Variants in ZP2 observed in about 807,000 individuals in gnomAD.
ZP2 encodes zona pellucida sperm-binding protein 2.
A neutral mutation model predicts 84.0 loss-of-function variants in ZP2; 51 were observed. The observed-to-expected ratio is 0.61, with a 90% CI of 0.49 to 0.77. ZP2 has a LOEUF of 0.77. ZP2 is among the 30% of genes least tolerant of loss of function. The pLI is 0.00. For missense variants in ZP2, 909 were observed against 911.9 expected, an observed-to-expected ratio of 1.00 and a Z score of 0.04; for synonymous variants, 375 against 330.9, an observed-to-expected ratio of 1.13 and a Z score of -1.45.
intron 5 of ZP2, 28 bp from the exon 6 acceptor site, chr16:21,205,803 CT>C: frequency 6.2e-7 from 1 of 1,612,646 alleles, no homozygotes; most frequent in Non-Finnish European, 8.5e-7. Context: ...TGATGTAAGA[CT>C]TTGATTTGGA....
At chr16:21,207,640 AC>A (rs2093256100) in intron 4 of ZP2, among the ~76,000 whole-genome samples, 1 of 4,794 alleles carries the variant, frequency 2.1e-4, no homozygotes, top group Non-Finnish European at 2.9e-4. Flanking sequence ...TATTAAACAC[AC>A]ACACACACAC....
intron 4 of ZP2, 59 bp from the exon 5 acceptor site, chr16:21,207,049 A>T (rs2093253298): frequency 6.2e-7 from 1 of 1,600,560 alleles, no homozygotes; most frequent in Admixed American, 1.7e-5. Context: ...GGGATTCTAG[A>T]ATACCATCTG....
Position 21,201,374 on chromosome 16 carries a change from C to T in ZP2, c.1689G>A (p.Val563=), listed in dbSNP as rs1484683018. The T allele has an allele frequency of 4.5e-6, 7 of 1,569,744 alleles. No homozygotes were observed. The African/African-American group carries it at 8.1e-5, about 18-fold the overall frequency. ...PDSFPQWNVV[V]DGCAYDLDNY... The stretch of plus-strand genomic sequence containing the variant: ...ATAGTACAGGGAGTACCTACCCATC[C>T]ACGACAACGTTCCACTGGGGGAAAG... The change falls in exon 14 of 19, where the codon GTG becomes GTA. Residue 563 remains valine (V), a synonymous_variant. Transcript: ENST00000574091.
chr16:21,202,576 G>T (rs1450161735), intron 10 of ZP2, among the ~76,000 whole-genome samples: 1 of 152,154 alleles, frequency 6.6e-6, no homozygotes, highest in Admixed American at 6.5e-5. Flanking sequence ...CTGATGAAGG[G>T]CAGGAGTTGA....
At chr16:21,206,772 T>C (rs2093251570) in intron 5 of ZP2, 66 bp downstream of exon 5, 5 of 1,597,372 alleles carry the variant, frequency 3.1e-6, no homozygotes, top group Non-Finnish European at 4.3e-6. Context: ...CCCGCCCTGG[T>C]TAGATCATCA....
At chr16:21,210,417 A>C (rs1293580188) in intron 2 of ZP2, among the ~76,000 whole-genome samples, 1 of 152,136 alleles carries the variant, frequency 6.6e-6, no homozygotes, top group African/African-American at 2.4e-5. Context: ...TTCCAGTAAG[A>C]AGCCCAGGTT....
At chr16:21,209,159 C>G (rs761502687) in intron 4 of ZP2, among the ~76,000 whole-genome samples, 4 of 152,096 alleles carry the variant, frequency 2.6e-5, no homozygotes, top group Non-Finnish European at 5.9e-5. Flanking sequence ...TCAAATGTCC[C>G]CTGGACAGAT....
rs147698708 is a variant in ZP2 at position 21,211,542 on chromosome 16, C to T, written c.6G>A (p.Ala2=). Residue 2 remains alanine, a synonymous_variant, in exon 1 of 19, where the codon GCG becomes GCA. Transcript: ENST00000574091. M[A]CRQRGGSWSP... is the part of the protein sequence containing the mutation. ...TCCAAGAGCCTCCTCTCTGCCTGCACGCCATAGCAGAAGACACTACCAGAT... is the reference window on the plus strand; with the variant it reads ...TCCAAGAGCCTCCTCTCTGCCTGCATGCCATAGCAGAAGACACTACCAGAT... 371 of 1,614,170 alleles carry T rather than the reference C, an allele frequency of 2.3e-4. 6 individuals carry two copies. In the South Asian group the frequency reaches 2.4e-3, roughly 10 times the overall value.
At chr16:21,203,375 T>C in intron 9 of ZP2, 124 bp from the exon 10 acceptor site, 2 of 1,309,018 alleles carry the variant, frequency 1.5e-6, no homozygotes, top group South Asian at 1.4e-5. Flanking sequence ...GGGCTCCCTT[T>C]AAACCAAAAC....
rs768379573 is a variant in ZP2, at chr16:21,204,378, C to T, written c.720G>A (p.Val240=). ...YVQGNSHLYM[V]SLKLTFISPG... ...GAGATATAAATGTAAGCTTCAGAGACACCATGTAGAGATGACTGTTACCTT... is the reference window on the plus strand; with the variant it reads ...GAGATATAAATGTAAGCTTCAGAGATACCATGTAGAGATGACTGTTACCTT... The change falls in exon 8 of 19, where the codon GTG becomes GTA. Residue 240 remains valine (V), a synonymous_variant. Transcript: ENST00000574091. 12 of 1,613,924 alleles carry T rather than the reference C, an allele frequency of 7.4e-6. No homozygotes were observed. Among genetic ancestry groups the T allele is most frequent in the Middle Eastern group, 3.3e-4 (2 of 6,082 alleles).
chr16:21,209,583 T>A (rs531790896), intron 4 of ZP2, 48 bp downstream of exon 4: 5 of 1,557,214 alleles, frequency 3.2e-6, no homozygotes, highest in Non-Finnish European at 2.7e-6. Flanking sequence ...CCAGTAACTC[T>A]TAGGTTACTA....
intron 17 of ZP2, 182 bp from the exon 18 acceptor site, chr16:21,198,031 G>C: frequency 1.8e-6 from 1 of 569,602 alleles, no homozygotes; most frequent in Non-Finnish European, 3.1e-6. Context: ...CACATGCTCT[G>C]ACCTAATCTT....
chr16:21,211,758 G>A (rs1597592837), upstream of ZP2: 2 of 1,462,808 alleles, frequency 1.4e-6, no homozygotes, highest in Non-Finnish European at 9.0e-7. Context: ...TGTGGGCCAG[G>A]CATGAAATCA....
intron 14 of ZP2, 112 bp from the exon 15 acceptor site, chr16:21,199,990 C>T: frequency 7.3e-7 from 1 of 1,370,110 alleles, no homozygotes; most frequent in Non-Finnish European, 1.0e-6. Flanking sequence ...GCCATATTTA[C>T]CTTCTACCAG....
intron 5 of ZP2, among the ~76,000 whole-genome samples, 177 bp downstream of exon 5, chr16:21,206,661 C>G (rs1005771302): frequency 6.6e-6 from 1 of 152,112 alleles, no homozygotes; most frequent in African/African-American, 2.4e-5. Flanking sequence ...CATTATTGTC[C>G]CATCACTTTG....
At chr16:21,213,023 C>A (rs898982901), upstream of ZP2, among the ~76,000 whole-genome samples, 3 of 152,186 alleles carry the variant, frequency 2.0e-5, no homozygotes, top group African/African-American at 7.2e-5. Context: ...AAAGTGATTG[C>A]AGTTTTTGCC....
At chr16:21,199,544 CAG>C in intron 16 of ZP2, 24 bp downstream of exon 16, 1 of 1,544,108 alleles carries the variant, frequency 6.5e-7, no homozygotes, top group Non-Finnish European at 8.7e-7. Flanking sequence ...ATTAGACTCA[CAG>C]AAACAGGAAT....
upstream of ZP2, among the ~76,000 whole-genome samples, chr16:21,212,713 A>T (rs772109222): frequency 3.9e-5 from 6 of 152,208 alleles, no homozygotes; most frequent in Non-Finnish European, 5.9e-5. Context: ...CTCAAGATAA[A>T]TTCCTCAAAG....
At chr16:21,210,270 A>C (rs2093268784) in intron 2 of ZP2, 78 bp from the exon 3 acceptor site, 2 of 1,135,856 alleles carry the variant, frequency 1.8e-6, no homozygotes, top group Non-Finnish European at 1.3e-6. Flanking sequence ...GACTCCTCTC[A>C]GATGGGAGGG....
Sources: allele counts gnomAD v4.1 joint callset (sites outside exome capture counted in the v4.1 genomes callset), GRCh38; gene constraint gnomAD v4.1.1; transcripts MANE v1.5; gene names NCBI Gene and HGNC (gene_info 2026-07-23, HGNC 2026-07-21).